The following GNB5 variants were observed in gnomAD, a reference collection of about 807,000 sequenced individuals.
GNB5 encodes G protein subunit beta 5.
In GNB5, 37 loss-of-function variants were observed where a neutral mutation model predicts 55.3. That is an observed-to-expected ratio of 0.67 (90% CI 0.51 to 0.88). The LOEUF (loss-of-function observed/expected upper bound fraction) is 0.88, where lower values mean the gene tolerates loss of function less well. Among genes scored for constraint, GNB5 ranks in the 40% least tolerant of loss-of-function variants. The pLI, the probability that GNB5 is intolerant of heterozygous loss-of-function variation, is 0.00. For missense variants in GNB5, 476 were observed against 515.3 expected, an observed-to-expected ratio of 0.92 and a Z score of 0.74; for synonymous variants, 219 against 198.5, an observed-to-expected ratio of 1.10 and a Z score of -0.87.
At chr15:52,162,520 G>A (rs1178062973) in intron 3 of GNB5, among the ~76,000 whole-genome samples, 3 of 152,182 alleles carry the variant, frequency 2.0e-5, no homozygotes, top group Admixed American at 6.5e-5. Context: ...CTCTGAAACC[G>A]ACTGCAAAGA....
At chr15:52,153,907 C>A in intron 4 of GNB5, 33 bp downstream of exon 4, 1 of 1,588,294 alleles carries the variant, frequency 6.3e-7, no homozygotes, top group Non-Finnish European at 8.6e-7. Flanking sequence ...AATCCAAAAC[C>A]CGCTCACCTG....
chr15:52,134,695 T>C (rs1596061944), intron 8 of GNB5, among the ~76,000 whole-genome samples: 1 of 152,222 alleles, frequency 6.6e-6, no homozygotes, highest in East Asian at 1.9e-4. Context: ...CCAGGATCGA[T>C]ATGTGGGCAG....
At chr15:52,152,680 G>C (rs1408577706) in intron 4 of GNB5, among the ~76,000 whole-genome samples, 2 of 150,908 alleles carry the variant, frequency 1.3e-5, no homozygotes, top group Non-Finnish European at 2.9e-5. Flanking sequence ...GCCCAGGCTG[G>C]AGTGCAATGG....
intron 3 of GNB5, among the ~76,000 whole-genome samples, chr15:52,166,871 T>C (rs560484332): frequency 6.6e-6 from 1 of 151,924 alleles, no homozygotes; most frequent in African/African-American, 2.4e-5. Flanking sequence ...GAAAAACCCT[T>C]CAAAAAAATC....
Position 52,154,104 on chromosome 15 carries a change from C to T in GNB5, c.239-28G>A, listed in dbSNP as rs754030562. 139 of 1,607,554 alleles carry T rather than the reference C, an allele frequency of 8.6e-5. 1 individual carries two copies. The highest frequency in any genetic ancestry group is 1.1e-4 in the Non-Finnish European group (135 of 1,176,018). ...GGAATGACAAGGCCATAGTCAGTCC[C>T]CTTGCTAAGGACCAGGTTCTGGGCT... On this transcript the variant is annotated intron_variant, in intron 3 of 12. Coordinates refer to ENST00000261837, the MANE Select transcript of GNB5 (RefSeq NM_016194.4).
intron 3 of GNB5, among the ~76,000 whole-genome samples, chr15:52,174,136 GC>G (rs2034604019): frequency 6.6e-6 from 1 of 152,310 alleles, no homozygotes; most frequent in South Asian, 2.1e-4. Context: ...AATCACGTGA[GC>G]CTTGGGCCAA....
chr15:52,166,974 AT>A (rs1424272736), intron 3 of GNB5, among the ~76,000 whole-genome samples: 1 of 152,228 alleles, frequency 6.6e-6, no homozygotes, highest in Non-Finnish European at 1.5e-5. Context: ...AATAGACACA[AT>A]CAGAAATGAT....
At chr15:52,180,421 A>G (rs538369222) in intron 2 of GNB5, 4 of 152,416 alleles carry the variant, frequency 2.6e-5, no homozygotes, top group African/African-American at 7.2e-5. Flanking sequence ...GTGCTCCCCC[A>G]ACAAGGAACC....
intron 8 of GNB5, among the ~76,000 whole-genome samples, chr15:52,135,124 T>C: frequency 6.6e-6 from 1 of 151,858 alleles, no homozygotes; most frequent in Non-Finnish European, 1.5e-5. Context: ...GGAGGGAGGA[T>C]GGTGGCTGGC....
rs568279876 is a variant in GNB5, at chr15:52,184,612, G to A, written c.65C>T (p.Ala22Val). ...GSCDKCFKQR[A>V]LRPVFKKSQQ... Reference sequence around the variant, plus strand: ...AGACTTCTTGAAAACTGGTCTCAGAGCTCGTTGTTTGAAACATTTGTCACA... The same window carrying A: ...AGACTTCTTGAAAACTGGTCTCAGAACTCGTTGTTTGAAACATTTGTCACA... Residue 22 changes from alanine to valine, a missense_variant, in exon 2 of 13, where the codon GCT (alanine) becomes GTT (valine). Coordinates refer to ENST00000261837, the MANE Select transcript of GNB5 (RefSeq NM_016194.4). The A allele has an allele frequency of 3.1e-6, 5 of 1,612,638 alleles. No homozygotes were observed. In the African/African-American group the frequency reaches 6.7e-5, roughly 22 times the overall value.
intron 3 of GNB5, among the ~76,000 whole-genome samples, chr15:52,179,145 A>G (rs2034709870): frequency 6.6e-6 from 1 of 152,162 alleles, no homozygotes; most frequent in Admixed American, 6.5e-5. Context: ...ATGCCAATCC[A>G]CCACATCGAT....
intron 9 of GNB5, among the ~76,000 whole-genome samples, chr15:52,129,482 C>G (rs990821967): frequency 2.2e-4 from 33 of 152,182 alleles, no homozygotes; most frequent in African/African-American, 7.7e-4. Context: ...ATTTTCAGCT[C>G]TGCCCCAGTC....
intron 7 of GNB5, among the ~76,000 whole-genome samples, chr15:52,140,474 T>G (rs1426560018): frequency 1.3e-5 from 2 of 152,126 alleles, no homozygotes; most frequent in African/African-American, 2.4e-5. Context: ...AGCTCCCCAG[T>G]TCCCCCACTG....
chr15:52,183,214 T>C (rs2034796640), intron 2 of GNB5, among the ~76,000 whole-genome samples: 1 of 151,814 alleles, frequency 6.6e-6, no homozygotes, highest in East Asian at 1.9e-4. Flanking sequence ...TCTCCAGGCA[T>C]GGCCCCTGTG....
chr15:52,160,706 A>G (rs905825691), intron 3 of GNB5, among the ~76,000 whole-genome samples: 3 of 152,216 alleles, frequency 2.0e-5, no homozygotes, highest in Non-Finnish European at 2.9e-5. Context: ...TTTCCTCCAC[A>G]TATGTGCACA....
chr15:52,141,904 C>A (rs567269717), intron 6 of GNB5, among the ~76,000 whole-genome samples: 19 of 152,298 alleles, frequency 1.2e-4, no homozygotes, highest in Admixed American at 1.2e-3. Flanking sequence ...ATCCAGGGAC[C>A]AACCAAGGCT....
intron 3 of GNB5, among the ~76,000 whole-genome samples, chr15:52,161,615 T>C (rs74246434): frequency 6.6e-6 from 1 of 152,294 alleles, no homozygotes; most frequent in East Asian, 1.9e-4. Flanking sequence ...CTCTTCGAGG[T>C]AGCCAGATCA....
At chr15:52,135,126 G>A (rs1047362704) in intron 8 of GNB5, among the ~76,000 whole-genome samples, 1 of 151,988 alleles carries the variant, frequency 6.6e-6, no homozygotes, top group Non-Finnish European at 1.5e-5. Flanking sequence ...AGGGAGGATG[G>A]TGGCTGGCAG....
chr15:52,139,257 C>A (rs1332028095), intron 7 of GNB5, among the ~76,000 whole-genome samples: 2 of 152,144 alleles, frequency 1.3e-5, no homozygotes, highest in African/African-American at 4.8e-5. Flanking sequence ...GCCAGGGCAA[C>A]ACACCAAGAC....
Sources: gnomAD v4.1 joint callset for allele counts (sites outside exome capture counted in the v4.1 genomes callset) on GRCh38, gnomAD v4.1.1 for gene constraint, MANE v1.5 for transcripts, NCBI Gene and HGNC (gene_info 2026-07-23, HGNC 2026-07-21) for gene names.